CSMD1: variants seen among roughly 807,000 people sequenced by gnomAD.
CSMD1 encodes the protein CUB and Sushi multiple domains 1.
Under a neutral mutation model 417.5 loss-of-function variants are expected in CSMD1, and 213 were observed. The ratio of observed to expected loss-of-function variants is 0.51; its 90% confidence interval spans 0.46 to 0.57. The LOEUF (loss-of-function observed/expected upper bound fraction) is 0.57, where lower values mean the gene tolerates loss of function less well. Ranked by LOEUF, CSMD1 falls within the 20% of genes least tolerant of loss-of-function variation. The pLI, the probability that CSMD1 is intolerant of heterozygous loss-of-function variation, is 0.00. For missense variants in CSMD1, 6,923 were observed against 4,529.7 expected, an observed-to-expected ratio of 1.53 and a Z score of -15.17; for synonymous variants, 2,862 against 1,736.8, an observed-to-expected ratio of 1.65 and a Z score of -16.11.
intron 5 of CSMD1, among the ~76,000 whole-genome samples, chr8:3,968,200 A>C (rs2130050754): frequency 6.6e-6 from 1 of 151,552 alleles, no homozygotes; most frequent in African/African-American, 2.4e-5. Context: ...TAATAATAAT[A>C]ATAATAATAA....
intron 38 of CSMD1, among the ~76,000 whole-genome samples, chr8:3,161,230 G>C (rs1819872808): frequency 6.6e-6 from 1 of 152,198 alleles, no homozygotes; most frequent in East Asian, 1.9e-4. Context: ...CTTACTCATG[G>C]TTAAACTAGA....
At chr8:3,271,467 T>C (rs892645614) in intron 26 of CSMD1, among the ~76,000 whole-genome samples, 3 of 149,058 alleles carry the variant, frequency 2.0e-5, no homozygotes, top group Non-Finnish European at 3.0e-5. Context: ...CTGGGTCAAA[T>C]GGTATTTCTA....
chr8:4,102,371 G>C (rs1050454354), intron 3 of CSMD1, among the ~76,000 whole-genome samples: 2 of 152,168 alleles, frequency 1.3e-5, no homozygotes, highest in African/African-American at 4.8e-5. Flanking sequence ...AAGAGAAACT[G>C]GACATTGGTA....
intron 3 of CSMD1, among the ~76,000 whole-genome samples, chr8:4,200,171 T>TA (rs1357066786): frequency 6.6e-6 from 1 of 152,204 alleles, no homozygotes; most frequent in African/African-American, 2.4e-5. Context: ...AAAGCTCCTT[T>TA]TTAACTACCT....
intron 58 of CSMD1, among the ~76,000 whole-genome samples, 158 bp downstream of exon 58, chr8:2,966,412 A>G (rs896397669): frequency 1.3e-5 from 2 of 152,212 alleles, no homozygotes; most frequent in Non-Finnish European, 2.9e-5. Flanking sequence ...ATCTTAAAGT[A>G]CTTAAGAAAT....
chr8:3,014,381 T>C (rs947239737), intron 52 of CSMD1, among the ~76,000 whole-genome samples: 1 of 152,156 alleles, frequency 6.6e-6, no homozygotes, highest in African/African-American at 2.4e-5. Flanking sequence ...TCAAGTCAAT[T>C]TATGGTTTTT....
chr8:3,972,592 G>A (rs113727437), intron 5 of CSMD1, among the ~76,000 whole-genome samples: 1 of 152,104 alleles, frequency 6.6e-6, no homozygotes, highest in African/African-American at 2.4e-5. Context: ...TTTATAAAAC[G>A]GCCTTTATTT....
At chr8:4,063,062 TGAGA>T (rs1278357889) in intron 3 of CSMD1, among the ~76,000 whole-genome samples, 2 of 152,112 alleles carry the variant, frequency 1.3e-5, no homozygotes, top group Admixed American at 6.6e-5. Flanking sequence ...GATAAATATA[TGAGA>T]GAGAAGAAAA....
chr8:4,422,442 C>G (rs992087258), intron 2 of CSMD1, among the ~76,000 whole-genome samples: 3 of 152,024 alleles, frequency 2.0e-5, no homozygotes, highest in Admixed American at 6.6e-5. Flanking sequence ...GGACTCTGAT[C>G]CCATAGGGTA....
intron 7 of CSMD1, among the ~76,000 whole-genome samples, chr8:3,622,049 T>C (rs1796277984): frequency 6.6e-6 from 1 of 151,722 alleles, no homozygotes; most frequent in African/African-American, 2.4e-5. Context: ...AACATTCTGA[T>C]ACTCTACTAC....
At position 3,932,456 on chromosome 8, in the gene CSMD1, G is replaced by T. The variant is rs536145612; in HGVS notation, c.818+65447C>A. 8.6e-5 allele frequency among the ~76,000 whole-genome samples: 13 copies of T among 150,342 alleles called. 1 individual carries two copies. The highest frequency in any genetic ancestry group is 2.7e-4 in the African/African-American group (11 of 40,784). ...CACTCTCATAACCCAGCCTCAGCAC[G>T]GTAATAAGACCTTGATATGTAGGAC... On this transcript the variant is annotated intron_variant, in intron 5 of 69. Transcript: ENST00000635120.
At chr8:4,614,895 T>TA (rs1554525142) in intron 2 of CSMD1, among the ~76,000 whole-genome samples, 1 of 152,050 alleles carries the variant, frequency 6.6e-6, no homozygotes, top group Non-Finnish European at 1.5e-5. Context: ...TTCTCTAGAG[T>TA]AAAAAATTGT....
At chr8:3,508,243 T>C (rs1213091167) in intron 10 of CSMD1, among the ~76,000 whole-genome samples, 1 of 151,976 alleles carries the variant, frequency 6.6e-6, no homozygotes, top group African/African-American at 2.4e-5. Flanking sequence ...ACTTAAGTGG[T>C]GTCTGTGACA....
chr8:3,044,643 A>G (rs1384807149), intron 50 of CSMD1, among the ~76,000 whole-genome samples: 3 of 152,028 alleles, frequency 2.0e-5, no homozygotes, highest in East Asian at 1.9e-4. Context: ...TGAAAAAAAA[A>G]AGGGACCTCA....
intron 5 of CSMD1, among the ~76,000 whole-genome samples, chr8:3,880,738 T>C (rs1357893579): frequency 6.6e-6 from 1 of 152,182 alleles, no homozygotes; most frequent in African/African-American, 2.4e-5. Context: ...ATATTAAAAT[T>C]ATATTATACA....
chr8:3,799,259 T>C (rs1800329088), intron 5 of CSMD1, among the ~76,000 whole-genome samples: 1 of 151,322 alleles, frequency 6.6e-6, no homozygotes, highest in Non-Finnish European at 1.5e-5. Flanking sequence ...CAGCATTTTT[T>C]TTTATACTTT....
chr8:2,975,979 C>T (rs544705012), intron 55 of CSMD1, among the ~76,000 whole-genome samples: 2 of 152,218 alleles, frequency 1.3e-5, no homozygotes, highest in African/African-American at 4.8e-5. Context: ...CTGGGACAGA[C>T]AAAAACAAAA....
chr8:3,798,251 T>C (rs1800268924), intron 5 of CSMD1, among the ~76,000 whole-genome samples: 1 of 152,098 alleles, frequency 6.6e-6, no homozygotes, highest in South Asian at 2.1e-4. Context: ...ATTTTCATAA[T>C]GGTACTTTTT....
intron 5 of CSMD1, among the ~76,000 whole-genome samples, chr8:3,926,090 C>CACACACACACACACACACCAT (rs1809673192): frequency 2.4e-5 from 1 of 41,594 alleles, no homozygotes; most frequent in Non-Finnish European, 3.9e-5. Context: ...CATACACACA[C>CACACACACACACACACACCAT]ACACACACAC....
Sources: gnomAD v4.1 joint callset for allele counts (sites outside exome capture counted in the v4.1 genomes callset) on GRCh38, gnomAD v4.1.1 for gene constraint, MANE v1.5 for transcripts, NCBI Gene and HGNC (gene_info 2026-07-23, HGNC 2026-07-21) for gene names.